NAT10: variants seen among roughly 807,000 people sequenced by gnomAD.
The protein encoded by NAT10 is N-acetyltransferase 10, also known as RNA cytidine acetyltransferase.
A neutral mutation model predicts 132.2 loss-of-function variants in NAT10; 109 were observed. The ratio of observed to expected loss-of-function variants is 0.82; its 90% CI spans 0.71 to 0.97. NAT10 has a LOEUF of 0.97. NAT10 is among the 50% of genes least tolerant of loss of function. NAT10 has a pLI of 0.00. For missense variants in NAT10, 1,184 were observed against 1,263.4 expected, an observed-to-expected ratio of 0.94 and a Z score of 0.95; for synonymous variants, 479 against 478.0, an observed-to-expected ratio of 1.00 and a Z score of -0.03.
intron 27 of NAT10, 23 bp from the exon 28 acceptor site, chr11:34,143,422 G>T: frequency 1.3e-6 from 2 of 1,588,806 alleles, no homozygotes; most frequent in South Asian, 1.1e-5. Context: ...AGCAGGCTTT[G>T]ATAGTTCCCT....
intron 8 of NAT10, 85 bp downstream of exon 8, chr11:34,118,588 A>G: frequency 9.3e-7 from 1 of 1,072,424 alleles, no homozygotes; most frequent in East Asian, 2.6e-5. Context: ...ACGTTGACTC[A>G]AGACCCAGAC....
At chr11:34,126,379 C>T (rs1851994495) in intron 11 of NAT10, among the ~76,000 whole-genome samples, 1 of 152,146 alleles carries the variant, frequency 6.6e-6, no homozygotes, top group African/African-American at 2.4e-5. Context: ...CTGTACTTGT[C>T]CTCCTTCAGC....
rs1852091389 is a variant in NAT10, at chr11:34,130,867, A to G, written c.1299A>G (p.Gln433=). The G allele has an allele frequency of 6.2e-7, 1 of 1,614,220 alleles. No individual in the cohort carries two copies. The highest frequency in any genetic ancestry group is 8.5e-7 in the Non-Finnish European group (1 of 1,180,028). ...LSLKLIQQLR[Q]QSAQSQVSTT... ...TCAAGCTAATTCAGCAGCTCCGTCAACAGAGCGCCCAGAGCCAGGTCAGCA... is the reference window on the plus strand; with the variant it reads ...TCAAGCTAATTCAGCAGCTCCGTCAGCAGAGCGCCCAGAGCCAGGTCAGCA... The change falls in exon 13 of 29, where the codon CAA becomes CAG. Residue 433 remains glutamine (Q), a synonymous_variant. Transcript: ENST00000257829.
At chr11:34,123,477 A>G (rs1193644673) in intron 9 of NAT10, among the ~76,000 whole-genome samples, 1 of 152,188 alleles carries the variant, frequency 6.6e-6, no homozygotes, top group Admixed American at 6.5e-5. Flanking sequence ...GCATGAAACT[A>G]CTTCTTGTAG....
intron 14 of NAT10, 106 bp from the exon 15 acceptor site, chr11:34,132,019 C>T: frequency 1.2e-6 from 1 of 823,876 alleles, no homozygotes; most frequent in Non-Finnish European, 2.1e-6. Context: ...CTGCTTAGGA[C>T]ACTGAGCTCC....
intron 8 of NAT10, among the ~76,000 whole-genome samples, chr11:34,120,667 A>T (rs935039103): frequency 6.6e-6 from 1 of 152,230 alleles, no homozygotes; most frequent in East Asian, 1.9e-4. Flanking sequence ...CCAGCAGTAG[A>T]CAAGAGGGAT....
At chr11:34,135,135 TCTCTTCCCTCGGC>T (rs760955095) in intron 18 of NAT10, 27 bp from the exon 19 acceptor site, 1 of 1,527,056 alleles carries the variant, frequency 6.5e-7, no homozygotes, top group Admixed American at 1.7e-5. Flanking sequence ...TGAGAGCAGC[TCTCTTCCCTCGGC>T]CTCTTCCCCT....
rs142148595 is a variant in NAT10, at chr11:34,132,192, A to G, written c.1588A>G (p.Met530Val). 1,739 of 1,614,000 alleles carry G rather than the reference A, an allele frequency of 1.1e-3. 1 individual carries two copies. The highest frequency in any genetic ancestry group is 1.3e-3 in the Non-Finnish European group (1,582 of 1,179,968). The change falls in exon 15 of 29, where the codon ATG (methionine) becomes GTG (valine). Residue 530 changes from methionine (M) to valine (V), a missense_variant. Transcript: ENST00000257829. ...KASEVFLQRL[M>V]ALYVASHYKN... ...CTCTGAAGTTTTCCTCCAACGGCTTATGGCCCTCTACGTGGCTTCTCACTA... is the reference window on the plus strand; with the variant it reads ...CTCTGAAGTTTTCCTCCAACGGCTTGTGGCCCTCTACGTGGCTTCTCACTA...
intron 8 of NAT10, among the ~76,000 whole-genome samples, chr11:34,120,661 C>G (rs923602193): frequency 2.0e-5 from 3 of 152,226 alleles, no homozygotes; most frequent in African/African-American, 7.2e-5. Context: ...GGGGGCCCAG[C>G]AGTAGACAAG....
chr11:34,113,745 G>C lies in NAT10; in HGVS notation c.402G>C (p.Leu134=). Residue 134 remains leucine (L), a synonymous_variant, in exon 5 of 29, where the codon CTG becomes CTC. Transcript: ENST00000257829. The stretch of plus-strand genomic sequence containing the variant: ...TTGAAGCCTTAACTCCAAACTTGCT[G>C]GCCAGGACTGTAGAAACAGTGGAAG... ...QDFEALTPNL[L]ARTVETVEGG... 6.2e-7 allele frequency: 1 copy of C among 1,613,778 alleles called. No individual in the cohort carries two copies. The highest frequency in any genetic ancestry group is 1.1e-5 in the South Asian group (1 of 91,062).
chr11:34,124,991 A>G (rs1406831847), intron 11 of NAT10, among the ~76,000 whole-genome samples: 1 of 152,194 alleles, frequency 6.6e-6, no homozygotes, highest in Non-Finnish European at 1.5e-5. Context: ...ATGGGCTCTT[A>G]CTGGAGGAGG....
chr11:34,143,279 G>A (rs1233398824), intron 27 of NAT10, among the ~76,000 whole-genome samples, 166 bp from the exon 28 acceptor site: 1 of 152,234 alleles, frequency 6.6e-6, no homozygotes, highest in African/African-American at 2.4e-5. Context: ...TGGCCCTCCT[G>A]CATGCTTGTC....
chr11:34,122,782 T>A (rs1851918184), intron 9 of NAT10, among the ~76,000 whole-genome samples, 190 bp downstream of exon 9: 1 of 152,184 alleles, frequency 6.6e-6, no homozygotes. Context: ...ACCCTAAAGG[T>A]GCATGTTTAC....
intron 21 of NAT10, chr11:34,138,881 A>G (rs1228645730): frequency 2.8e-5 from 9 of 321,674 alleles, no homozygotes; most frequent in Middle Eastern, 9.9e-4. Context: ...TGAGAGGAGC[A>G]CATATTTCCC....
intron 25 of NAT10, among the ~76,000 whole-genome samples, chr11:34,141,417 C>T (rs1852328276): frequency 7.2e-6 from 1 of 138,890 alleles, no homozygotes; most frequent in South Asian, 2.2e-4. Flanking sequence ...ATCACACACA[C>T]ACACACACAC....
chr11:34,126,257 T>G (rs1275502945), intron 11 of NAT10, among the ~76,000 whole-genome samples: 1 of 152,184 alleles, frequency 6.6e-6, no homozygotes, highest in Non-Finnish European at 1.5e-5. Flanking sequence ...TTCCATCCTA[T>G]TTCCTTCTGT....
Position 34,118,425 on chromosome 11 carries a change from G to T in NAT10, c.702G>T (p.Glu234Asp). The change falls in exon 8 of 29, where the codon GAG becomes GAT. Residue 234 changes from glutamate (E) to aspartate (D), a missense_variant. Coordinates refer to ENST00000257829, the MANE Select transcript of NAT10 (RefSeq NM_024662.3). ...AGAGTCTTGGTCCTTCTGATCTGGA[G>T]CTGAGGGAGTTGAAGGAGAGCTTGC... ...PDESLGPSDL[E>D]LRELKESLQD... 1 of 1,614,172 alleles carries T rather than the reference G, an allele frequency of 6.2e-7. No homozygotes were observed. Among genetic ancestry groups the T allele is most frequent in the Non-Finnish European group, 8.5e-7 (1 of 1,180,028 alleles).
chr11:34,138,113 G>A (rs926707385), intron 21 of NAT10, among the ~76,000 whole-genome samples: 1 of 152,184 alleles, frequency 6.6e-6, no homozygotes, highest in African/African-American at 2.4e-5. Flanking sequence ...GTTTTTTGCT[G>A]CTGGGTTCGA....
Position 34,139,400 on chromosome 11 carries a change from T to A in NAT10, c.2324T>A (p.Phe775Tyr). ...AAFWKDFRRRFLALLSYQFST... is the reference protein window; with the variant it reads ...AAFWKDFRRRYLALLSYQFST... Reference sequence around the variant, plus strand: ...CACCCCACAGATTTCCGACGGCGGTTCCTAGCCTTGCTCTCCTACCAGTTC... The same window carrying A: ...CACCCCACAGATTTCCGACGGCGGTACCTAGCCTTGCTCTCCTACCAGTTC... The change falls in exon 23 of 29, where the codon TTC (phenylalanine) becomes TAC (tyrosine). Residue 775 changes from phenylalanine (F) to tyrosine (Y), a missense_variant. Phe to Tyr is a conservative substitution (Grantham distance 22). Coordinates refer to ENST00000257829, the MANE Select transcript of NAT10 (RefSeq NM_024662.3). 3 of 1,614,144 alleles carry A rather than the reference T, an allele frequency of 1.9e-6. No individual in the cohort carries two copies. The highest frequency in any genetic ancestry group is 2.5e-6 in the Non-Finnish European group (3 of 1,180,016).
Sources: allele counts gnomAD v4.1 joint callset (sites outside exome capture counted in the v4.1 genomes callset), GRCh38; gene constraint gnomAD v4.1.1; transcripts MANE v1.5; gene names NCBI Gene and HGNC (gene_info 2026-07-23, HGNC 2026-07-21).